The following LMO3 variants were observed in gnomAD, a reference collection of about 807,000 sequenced individuals.
LMO3 encodes the protein LIM domain only protein 3.
In LMO3, 2 loss-of-function variants were observed where a neutral mutation model predicts 15.8. The observed-to-expected ratio is 0.13, with a 90% CI of 0.05 to 0.40. The LOEUF (loss-of-function observed/expected upper bound fraction) is 0.40, where lower values mean the gene tolerates loss of function less well. Ranked by LOEUF, LMO3 falls within the 10% of genes least tolerant of loss-of-function variation. The pLI is 0.99. For synonymous variants in LMO3, 62 were observed against 63.8 expected (o/e 0.97, Z 0.13); for missense variants, 86 against 182.2 (o/e 0.47, Z 3.04).
In LMO3 at chr12:16,565,830, A is replaced by G. The variant is rs549846469; in HGVS notation, c.207-5292T>C. Among the ~76,000 whole-genome samples the G allele has an allele frequency of 1.7e-4, 25 of 151,116 alleles. No individual in the cohort carries two copies. The East Asian group carries it at 3.7e-3, about 23-fold the overall frequency. On this transcript the variant is annotated intron_variant, in intron 2 of 3. Coordinates refer to ENST00000537304, the MANE Select transcript of LMO3 (RefSeq NM_018640.5). ...AACAGAACTACCATATGATCCAGCA[A>G]TCCCACTACTGGATTAAAAATCCCA...
intron 3 of LMO3, among the ~76,000 whole-genome samples, chr12:16,556,848 A>G (rs1942210618): frequency 6.6e-6 from 1 of 152,224 alleles, no homozygotes; most frequent in South Asian, 2.1e-4. Context: ...GTGACAAGAC[A>G]ATAACTAAGT....
Position 16,603,451 on chromosome 12 carries a change from T to G in LMO3, c.-8-2583A>C, listed in dbSNP as rs1943890619. On this transcript the variant is annotated intron_variant, in intron 1 of 3. Transcript: ENST00000537304. The surrounding 1 kb of genome is among the most constrained non-coding windows in gnomAD (Gnocchi z 4.9). ...ACCAGAAGAACATGTCTGGGTAGAG[T>G]TACGTGTTTGTAGCTAAGAAACATT... Among the ~76,000 whole-genome samples, 1 of 152,102 alleles carries G rather than the reference T, an allele frequency of 6.6e-6. No individual in the cohort carries two copies. The highest frequency in any genetic ancestry group is 1.5e-5 in the Non-Finnish European group (1 of 68,024).
Position 16,587,099 on chromosome 12 carries a change from A to G in LMO3, c.206+13556T>C, listed in dbSNP as rs1943345028. Among the ~76,000 whole-genome samples, 1 of 152,192 alleles carries G rather than the reference A, an allele frequency of 6.6e-6. No homozygotes were observed. Among genetic ancestry groups the G allele is most frequent in the Non-Finnish European group, 1.5e-5 (1 of 68,014 alleles). On this transcript the variant is annotated intron_variant, in intron 2 of 3. Transcript: ENST00000537304. The surrounding 1 kb of genome is among the most constrained non-coding windows in gnomAD (Gnocchi z 4.3). ...ATCTAATGCATTTAACTACCAAACT[A>G]TGCCCACAAGGGTACTTGGACAATG...
Position 16,599,804 on chromosome 12 carries a change from TA to T in LMO3, c.206+850del, listed in dbSNP as rs1375005251. ...GGAAAACAAGCTTTAGTAGGCTTCA[TA>T]GCTCCATAACCAAGAACACCTGCCT... On this transcript the variant is annotated intron_variant, in intron 2 of 3. Transcript: ENST00000537304. This position sits in a 1 kb window ranked among gnomAD's most constrained non-coding sequence, Gnocchi z 4.1. The T allele has an allele frequency of 2.0e-5, 3 of 152,196 alleles. No individual in the cohort carries two copies. The highest frequency in any genetic ancestry group is 1.3e-4 in the Admixed American group (2 of 15,284). The allele number at this position is 152,196 out of a possible 1,614,324, so 9.4% of individuals were successfully genotyped here.
chr12:16,600,487 C>T (rs1715314510), intron 2 of LMO3, 168 bp downstream of exon 2: 1 of 614,194 alleles, frequency 1.6e-6, no homozygotes, highest in African/African-American at 1.8e-5. Flanking sequence ...ATTCCTTAAG[C>T]ATTAATTTGA....
chr12:16,560,639 C>A lies in LMO3; in HGVS notation c.207-101G>T. On this transcript the variant is annotated intron_variant, in intron 2 of 3. Coordinates refer to ENST00000537304, the MANE Select transcript of LMO3 (RefSeq NM_018640.5). This position sits in a 1 kb window ranked among gnomAD's most constrained non-coding sequence, Gnocchi z 5.0. ...ATATACTCTGTAAAGCTACAATACA[C>A]AATGCTTTATGATGTACACAAGTGG... The A allele has an allele frequency of 1.9e-6, 2 of 1,044,768 alleles. No homozygotes were observed. The highest frequency in any genetic ancestry group is 2.2e-5 in the Admixed American group (1 of 45,194). 64.7% of individuals were successfully genotyped at this position (1,044,768 alleles called of 1,614,324 possible).
intron 2 of LMO3, chr12:16,600,379 A>G: frequency 3.1e-6 from 1 of 322,984 alleles, no homozygotes; most frequent in Non-Finnish European, 5.7e-6. Context: ...CATCCTTGAC[A>G]TTAACTGGCA....
intron 2 of LMO3, among the ~76,000 whole-genome samples, chr12:16,592,279 CA>C (rs1943518659): frequency 6.6e-6 from 1 of 152,002 alleles, no homozygotes; most frequent in Non-Finnish European, 1.5e-5. Flanking sequence ...TCCTGCCTCT[CA>C]GCAAGGGTTG....
intron 2 of LMO3, 67 bp downstream of exon 2, chr12:16,600,588 A>T: frequency 5.0e-6 from 7 of 1,399,176 alleles, no homozygotes; most frequent in Non-Finnish European, 7.0e-6. Context: ...AAGCAAACAA[A>T]AAATACACTT....
rs1943902310 is a variant in LMO3, at chr12:16,603,799, C to T, written c.-9+2267G>A. 6.6e-6 allele frequency among the ~76,000 whole-genome samples: 1 copy of T among 152,040 alleles called. No homozygotes were observed. The highest frequency in any genetic ancestry group is 6.6e-5 in the Admixed American group (1 of 15,260). On this transcript the variant is annotated intron_variant, in intron 1 of 3. Coordinates refer to ENST00000537304, the MANE Select transcript of LMO3 (RefSeq NM_018640.5). This position sits in a 1 kb window ranked among gnomAD's most constrained non-coding sequence, Gnocchi z 4.9. ...GCACAGTCTCAGCTTCAGTAGTTAA[C>T]ACAACAAAGTAACCACAACTCCACA...
At chr12:16,609,506 G>T (rs1591844314), upstream of LMO3, among the ~76,000 whole-genome samples, 3 of 152,008 alleles carry the variant, frequency 2.0e-5, no homozygotes, top group Admixed American at 6.5e-5. Flanking sequence ...TTTTTGGTCC[G>T]ATTACCTTTT....
At position 16,549,108 on chromosome 12, in the gene LMO3, A is replaced by AT. The variant is rs1941892734; in HGVS notation, c.*2113dup. On this transcript the variant is annotated 3_prime_UTR_variant, in exon 4 of 4. Transcript: ENST00000537304. The stretch of plus-strand genomic sequence containing the variant: ...CAATTATAATTTTACATCCATGTGA[A>AT]TTTCAAGCAATTGTTAATGGGGACC... 6.6e-6 allele frequency: 1 copy of AT among 152,148 alleles called. No homozygotes were observed. The highest frequency in any genetic ancestry group is 6.5e-5 in the Admixed American group (1 of 15,270). The allele number at this position is 152,148 out of a possible 1,614,324, so 9.4% of individuals were successfully genotyped here.
At chr12:16,561,925 T>G (rs757094188) in intron 2 of LMO3, among the ~76,000 whole-genome samples, 1 of 152,198 alleles carries the variant, frequency 6.6e-6, no homozygotes, top group Non-Finnish European at 1.5e-5. Flanking sequence ...GTAAGCGAAG[T>G]TTACATTCAA....
chr12:16,579,386 A>C (rs1943091103), intron 2 of LMO3, among the ~76,000 whole-genome samples: 2 of 152,218 alleles, frequency 1.3e-5, no homozygotes, highest in Non-Finnish European at 2.9e-5. Flanking sequence ...GCCTGATGCC[A>C]CTGATGAGAA....
At chr12:16,605,584 A>C in intron 1 of LMO3, 1 of 672,322 alleles carries the variant, frequency 1.5e-6, no homozygotes, top group Non-Finnish European at 2.4e-6. Flanking sequence ...GTGGGGGTTC[A>C]TGAATTCCAG....
intron 3 of LMO3, among the ~76,000 whole-genome samples, chr12:16,552,254 T>G (rs904196163): frequency 2.6e-5 from 4 of 152,042 alleles, no homozygotes; most frequent in Admixed American, 6.5e-5. Flanking sequence ...TTGTAACAAT[T>G]TAACCTTCAA....
At chr12:16,570,183 C>T (rs1489466168) in intron 2 of LMO3, among the ~76,000 whole-genome samples, 1 of 152,084 alleles carries the variant, frequency 6.6e-6, no homozygotes, top group African/African-American at 2.4e-5. Context: ...TTTCAGAAAG[C>T]TTTGTCTACT....
At chr12:16,608,896 A>G (rs1476087804), upstream of LMO3, among the ~76,000 whole-genome samples, 2 of 152,236 alleles carry the variant, frequency 1.3e-5, no homozygotes, top group African/African-American at 4.8e-5. The surrounding 1 kb of genome is among the most constrained non-coding windows in gnomAD (Gnocchi z 4.1). Flanking sequence ...TCTTTTCATT[A>G]TGACTGATGA....
At position 16,594,828 on chromosome 12, in the gene LMO3, C is replaced by T. The variant is rs548319805; in HGVS notation, c.206+5827G>A. On this transcript the variant is annotated intron_variant, in intron 2 of 3. Coordinates refer to ENST00000537304, the MANE Select transcript of LMO3 (RefSeq NM_018640.5). ...ATATTTTAAAAATGAGATTGCTTAA[C>T]AAATTATGTTTATGTAGTCAAAACA... is the stretch of plus-strand genomic sequence containing the variant. 3.3e-5 allele frequency among the ~76,000 whole-genome samples: 5 copies of T among 151,590 alleles called. No individual in the cohort carries two copies. In the South Asian group the frequency reaches 1.0e-3, roughly 31 times the overall value.
Sources: gnomAD v4.1 joint callset for allele counts (sites outside exome capture counted in the v4.1 genomes callset) on GRCh38, gnomAD v4.1.1 for gene constraint, Gnocchi (gnomAD v3.1) non-coding constraint, MANE v1.5 for transcripts, NCBI Gene and HGNC (gene_info 2026-07-23, HGNC 2026-07-21) for gene names.